PARD3: variants seen among roughly 807,000 people sequenced by gnomAD.
PARD3 encodes the protein partitioning defective 3 homolog.
PARD3 carries 75 observed loss-of-function variants against 155.4 expected under a neutral mutation model. The ratio of observed to expected loss-of-function variants is 0.48; its 90% confidence interval spans 0.40 to 0.58. PARD3 has a LOEUF of 0.58. Among genes scored for constraint, PARD3 ranks in the 20% least tolerant of loss-of-function variants. PARD3 has a pLI of 0.00. For missense variants in PARD3, 1,642 were observed against 1,721.7 expected (o/e 0.95, Z 0.82); for synonymous variants, 576 against 610.5 (o/e 0.94, Z 0.83).
intron 2 of PARD3, among the ~76,000 whole-genome samples, chr10:34,557,352 A>G (rs2085084970): frequency 6.6e-6 from 1 of 152,182 alleles, no homozygotes; most frequent in South Asian, 2.1e-4. Context: ...CAGAATAACT[A>G]GAAAATACAA....
At chr10:34,729,529 T>G (rs528021807) in intron 1 of PARD3, among the ~76,000 whole-genome samples, 1 of 98,536 alleles carries the variant, frequency 1.0e-5, no homozygotes, top group Non-Finnish European at 2.3e-5. Context: ...AGACTCCATC[T>G]CAAAAAAAAA....
chr10:34,470,355 G>T, intron 3 of PARD3, 92 bp from the exon 4 acceptor site: 1 of 977,542 alleles, frequency 1.0e-6, no homozygotes, highest in Non-Finnish European at 1.5e-6. Flanking sequence ...AAAGATTAAG[G>T]AACAGAATTA....
chr10:34,261,759 AG>A (rs1161870397), intron 22 of PARD3, among the ~76,000 whole-genome samples: 1,289 of 79,026 alleles, frequency 0.016, 7 homozygotes, highest in Middle Eastern at 0.034. Flanking sequence ...GAAGGAAGAA[AG>A]GAAGGAAGGA....
intron 2 of PARD3, among the ~76,000 whole-genome samples, chr10:34,597,348 T>G (rs2089371217): frequency 6.6e-6 from 1 of 151,706 alleles, no homozygotes; most frequent in Non-Finnish European, 1.5e-5. Flanking sequence ...TATAATATAT[T>G]TTTGGCTTTC....
At chr10:34,305,841 C>T (rs1957380682) in intron 20 of PARD3, among the ~76,000 whole-genome samples, 1 of 152,096 alleles carries the variant, frequency 6.6e-6, no homozygotes, top group Non-Finnish European at 1.5e-5. Context: ...AAAAAAATAG[C>T]TGGGCATGGT....
chr10:34,766,037 T>A (rs1838044322), intron 1 of PARD3, among the ~76,000 whole-genome samples: 1 of 152,228 alleles, frequency 6.6e-6, no homozygotes, highest in Non-Finnish European at 1.5e-5. Flanking sequence ...ATAGGGAATC[T>A]GAAGAATCAA....
chr10:34,622,508 C>T (rs2496716), intron 2 of PARD3, among the ~76,000 whole-genome samples: 53,597 of 151,996 alleles, frequency 0.35, 9,752 homozygotes, highest in South Asian at 0.43. Flanking sequence ...ATATTTGTCA[C>T]AAGAGAAGTT....
At chr10:34,634,517 A>G (rs762078170) in intron 2 of PARD3, among the ~76,000 whole-genome samples, 32 of 152,366 alleles carry the variant, frequency 2.1e-4, no homozygotes, top group Non-Finnish European at 3.7e-4. Flanking sequence ...TACTGCTGTT[A>G]TAACTAAACA....
At chr10:34,431,512 C>T (rs924519298) in intron 5 of PARD3, among the ~76,000 whole-genome samples, 1 of 152,014 alleles carries the variant, frequency 6.6e-6, no homozygotes, top group Non-Finnish European at 1.5e-5. Context: ...GAGGCCAAGG[C>T]GGGTGATCAC....
chr10:34,653,813 T>A (rs867838737), intron 2 of PARD3, among the ~76,000 whole-genome samples: 2,337 of 128,624 alleles, frequency 0.018, 61 homozygotes, highest in African/African-American at 0.064. Context: ...AAAAAAAAAA[T>A]GTATATGAAG....
intron 1 of PARD3, among the ~76,000 whole-genome samples, chr10:34,743,587 A>C (rs1040959559): frequency 6.6e-6 from 1 of 152,190 alleles, no homozygotes; most frequent in African/African-American, 2.4e-5. Flanking sequence ...CAGAATCACA[A>C]ACACAAGTAA....
At chr10:34,211,011 C>T (rs1252256133) in intron 22 of PARD3, among the ~76,000 whole-genome samples, 1 of 152,114 alleles carries the variant, frequency 6.6e-6, no homozygotes, top group Non-Finnish European at 1.5e-5. Flanking sequence ...GGAACTGTGT[C>T]AAGGTCTTTG....
At chr10:34,612,059 C>T (rs1345801323) in intron 2 of PARD3, among the ~76,000 whole-genome samples, 1 of 151,880 alleles carries the variant, frequency 6.6e-6, no homozygotes, top group Non-Finnish European at 1.5e-5. Context: ...ATCCCCTCAC[C>T]TCGTGATCCG....
intron 2 of PARD3, among the ~76,000 whole-genome samples, chr10:34,657,303 T>C (rs1412761765): frequency 6.6e-6 from 1 of 152,136 alleles, no homozygotes; most frequent in Admixed American, 6.5e-5. Context: ...TCCTTAAATT[T>C]CAGGGTGAAA....
At chr10:34,675,328 G>C (rs2093685545) in intron 2 of PARD3, among the ~76,000 whole-genome samples, 1 of 152,130 alleles carries the variant, frequency 6.6e-6, no homozygotes, top group African/African-American at 2.4e-5. Context: ...TCAAAACCTA[G>C]AAGTCAGTAT....
chr10:34,391,315 AAGG>A (rs764019095), intron 7 of PARD3, among the ~76,000 whole-genome samples: 5 of 152,216 alleles, frequency 3.3e-5, no homozygotes, highest in Non-Finnish European at 5.9e-5. Context: ...TATACAGAGA[AAGG>A]AGGAAAAAAG....
At chr10:34,740,572 C>T (rs115254761) in intron 1 of PARD3, among the ~76,000 whole-genome samples, 1,672 of 152,040 alleles carry the variant, frequency 0.011, 27 homozygotes, top group African/African-American at 0.039. Flanking sequence ...TGACTCCCGC[C>T]CCCATCTCCC....
chr10:34,163,251 G>T (rs59441263), intron 22 of PARD3, among the ~76,000 whole-genome samples: 1 of 152,030 alleles, frequency 6.6e-6, no homozygotes, highest in Non-Finnish European at 1.5e-5. Context: ...CTCCACAGCC[G>T]GTGGGGGGGA....
At chr10:34,699,702 T>C (rs1361692012) in intron 1 of PARD3, among the ~76,000 whole-genome samples, 2 of 152,122 alleles carry the variant, frequency 1.3e-5, no homozygotes, top group Non-Finnish European at 2.9e-5. Flanking sequence ...TGATGGCTCA[T>C]CCCTGTAATC....
Sources: gnomAD v4.1 joint callset for allele counts (sites outside exome capture counted in the v4.1 genomes callset) on GRCh38, gnomAD v4.1.1 for gene constraint, MANE v1.5 for transcripts, NCBI Gene and HGNC (gene_info 2026-07-23, HGNC 2026-07-21) for gene names.